Variants in CCDC88B observed in about 807,000 individuals in gnomAD.
CCDC88B encodes coiled-coil and HOOK domain protein 88B, also known as coiled-coil domain-containing protein 88B.
Under a neutral mutation model 183.7 loss-of-function variants are expected in CCDC88B, and 138 were observed. The ratio of observed to expected loss-of-function variants is 0.75; its 90% confidence interval spans 0.65 to 0.87. The LOEUF (loss-of-function observed/expected upper bound fraction) is 0.87, where lower values mean the gene tolerates loss of function less well. Among genes scored for constraint, CCDC88B ranks in the 40% least tolerant of loss-of-function variants. The probability of loss-of-function intolerance (pLI) is 0.00; values close to 1 mark genes in which losing one functional copy is unlikely to be tolerated. For missense variants in CCDC88B, 1,822 were observed against 1,965.6 expected (o/e 0.93, Z 1.38); for synonymous variants, 835 against 867.5 (o/e 0.96, Z 0.66).
At position 64,344,800 on chromosome 11, in the gene CCDC88B, C is replaced by T. The variant is rs778973427; in HGVS notation, c.2259C>T (p.Arg753=). 2 of 1,613,186 alleles carry T rather than the reference C, an allele frequency of 1.2e-6. No individual in the cohort carries two copies. The highest frequency in any genetic ancestry group is 1.1e-5 in the South Asian group (1 of 91,016). Residue 753 remains arginine, a synonymous_variant, in exon 14 of 27, where the codon CGC becomes CGT. Coordinates refer to ENST00000356786, the MANE Select transcript of CCDC88B (RefSeq NM_032251.6). This position sits in a 1 kb window ranked among gnomAD's most constrained non-coding sequence, Gnocchi z 4.5. ...GAGATGAGCTGGAAGCCCAGGCCCG[C>T]AAGCTGGAGGCCCAAAACACGGAGG... is the stretch of plus-strand genomic sequence containing the variant. The part of the protein sequence containing the change: ...ALGDELEAQA[R]KLEAQNTEAA...
chr11:64,351,298 C>T, intron 17 of CCDC88B, 43 bp downstream of exon 17: 1 of 1,495,880 alleles, frequency 6.7e-7, no homozygotes, highest in Non-Finnish European at 9.0e-7. Context: ...GTGCCCCGTG[C>T]AGTGTGAGTG....
At position 64,345,041 on chromosome 11, in the gene CCDC88B, A is replaced by C; in HGVS notation, c.2500A>C (p.Arg834=). 1.9e-6 allele frequency: 3 copies of C among 1,548,726 alleles called. No homozygotes were observed. The highest frequency in any genetic ancestry group is 2.6e-6 in the Non-Finnish European group (3 of 1,149,212). The part of the protein sequence containing the change: ...ERRQWEREGS[R]LRAQSEAAEE... ...GAGGCAGTGGGAGCGTGAGGGGTCC[A>C]GGCTGCGGGCCCAGTCGGAGGCCGC... Residue 834 remains arginine (R), a synonymous_variant, in exon 14 of 27, where the codon AGG becomes CGG. Coordinates refer to ENST00000356786, the MANE Select transcript of CCDC88B (RefSeq NM_032251.6).
At position 64,343,881 on chromosome 11, in the gene CCDC88B, G is replaced by C. The variant is rs756927003; in HGVS notation, c.1422G>C (p.Leu474=). The C allele has an allele frequency of 1.2e-6, 2 of 1,604,624 alleles. No homozygotes were observed. Among genetic ancestry groups the C allele is most frequent in the South Asian group, 2.2e-5 (2 of 89,646 alleles). The change falls in exon 13 of 27, where the codon CTG becomes CTC. Residue 474 remains leucine, a synonymous_variant. Coordinates refer to ENST00000356786, the MANE Select transcript of CCDC88B (RefSeq NM_032251.6). Reference sequence around the variant, plus strand: ...GGGAGAACCGGGAGCTTCGGGGGCTGCTTCAGGTGCTTCAGGGGCAGCCAG... The same window carrying C: ...GGGAGAACCGGGAGCTTCGGGGGCTCCTTCAGGTGCTTCAGGGGCAGCCAG... ...LERENRELRG[L]LQVLQGQPGG...
At chr11:64,342,706 C>T (rs1431955164) in intron 10 of CCDC88B, 26 bp downstream of exon 10, 2 of 1,444,736 alleles carry the variant, frequency 1.4e-6, no homozygotes, top group African/African-American at 2.9e-5. Flanking sequence ...AGCCGCGGGG[C>T]GGGGCGTGCG....
At position 64,354,122 on chromosome 11, in the gene CCDC88B, G is replaced by T. The variant is rs758178508; in HGVS notation, c.4051G>T (p.Gly1351Cys). 3.8e-5 allele frequency: 53 copies of T among 1,377,444 alleles called. No homozygotes were observed. The highest frequency in any genetic ancestry group is 4.9e-5 in the Non-Finnish European group (52 of 1,059,098). 85.3% of individuals were successfully genotyped at this position (1,377,444 alleles called of 1,614,324 possible). A position where few individuals can be genotyped will look rare whatever the true frequency, so the allele number is the denominator to read the frequency against. Reference sequence around the variant, plus strand: ...GGCTGGCAGCACCGAGAGCCTGGGGGGCCCCCCGGAGACGGAGCTTCCTGA... The same window carrying T: ...GGCTGGCAGCACCGAGAGCCTGGGGTGCCCCCCGGAGACGGAGCTTCCTGA... Reference protein sequence around the residue: ...DGAGSTESLGGPPETELPEGR... With the variant: ...DGAGSTESLGCPPETELPEGR... Residue 1351 changes from glycine (G) to cysteine (C), a missense_variant, in exon 24 of 27, where the codon GGC (glycine) becomes TGC (cysteine). Coordinates refer to ENST00000356786, the MANE Select transcript of CCDC88B (RefSeq NM_032251.6).
At chr11:64,355,490 C>T in intron 25 of CCDC88B, 70 bp from the exon 26 acceptor site, 1 of 1,594,950 alleles carries the variant, frequency 6.3e-7, no homozygotes, top group Non-Finnish European at 8.6e-7. Context: ...TTCTTGTCCC[C>T]TGTGTCTCCT....
At position 64,341,094 on chromosome 11, in the gene CCDC88B, C is replaced by T; in HGVS notation, c.319-15C>T. The T allele has an allele frequency of 6.2e-7, 1 of 1,614,078 alleles. No individual in the cohort carries two copies. The highest frequency in any genetic ancestry group is 1.3e-5 in the African/African-American group (1 of 75,004). ...TCGGGAAGGCGCCTCATATAGTCTG[C>T]CTCTCTGCCTCCAGGAGGAGCTGCA... On this transcript the variant is annotated splice_polypyrimidine_tract_variant and intron_variant, in intron 3 of 26. Coordinates refer to ENST00000356786, the MANE Select transcript of CCDC88B (RefSeq NM_032251.6).
At chr11:64,354,812 C>T (rs1311814478) in intron 24 of CCDC88B, among the ~76,000 whole-genome samples, 2 of 113,580 alleles carry the variant, frequency 1.8e-5, no homozygotes, top group African/African-American at 3.7e-5. Flanking sequence ...CCTCAGCCTC[C>T]CCCCCTCCTC....
Position 64,351,226 on chromosome 11 carries a change from A to C in CCDC88B, c.2929A>C (p.Asn977His). 1 of 1,530,446 alleles carries C rather than the reference A, an allele frequency of 6.5e-7. No homozygotes were observed. The highest frequency in any genetic ancestry group is 8.8e-7 in the Non-Finnish European group (1 of 1,139,326). The allele number at this position is 1,530,446 out of a possible 1,614,324, so 94.8% of individuals were successfully genotyped here. A position where few individuals can be genotyped will look rare whatever the true frequency, so the allele number is the denominator to read the frequency against. The change falls in exon 17 of 27, where the codon AAT becomes CAT. Residue 977 changes from asparagine (N) to histidine (H), a missense_variant. Transcript: ENST00000356786. ...RAEPQLVETQ[N>H]VRLIEVERSN... ...GGAGCCTCAGCTGGTGGAGACCCAG[A>C]ATGTGCGGCTTATTGAGGTGGAGCG... is the stretch of plus-strand genomic sequence containing the variant.
chr11:64,344,535 G>A lies in CCDC88B; in HGVS notation c.1994G>A (p.Gly665Asp), dbSNP rs1302825351. ...PSSVQLEEQE[G>D]PNQGLDLATG... ...TCTGTGCAGCTGGAGGAGCAGGAGG[G>A]CCCAAACCAGGGCCTGGACCTGGCC... The change falls in exon 14 of 27, where the codon GGC becomes GAC. Residue 665 changes from glycine to aspartate, a missense_variant. Coordinates refer to ENST00000356786, the MANE Select transcript of CCDC88B (RefSeq NM_032251.6). The surrounding 1 kb of genome is among the most constrained non-coding windows in gnomAD (Gnocchi z 4.5). 6.2e-7 allele frequency: 1 copy of A among 1,604,798 alleles called. No individual in the cohort carries two copies.
In CCDC88B at chr11:64,353,662, T is replaced by C. The variant is rs968544173; in HGVS notation, c.3834-53T>C. The C allele has an allele frequency of 2.0e-5, 32 of 1,603,632 alleles. No homozygotes were observed. In the African/African-American group the frequency reaches 4.1e-4, roughly 21 times the overall value. On this transcript the variant is annotated intron_variant, in intron 22 of 26. Coordinates refer to ENST00000356786, the MANE Select transcript of CCDC88B (RefSeq NM_032251.6). Reference sequence around the variant, plus strand: ...CTCGCTGCAGCTTGTGCCTTGCTACTGCCTCGGCCTCCCTGGGCCTCACAC... The same window carrying C: ...CTCGCTGCAGCTTGTGCCTTGCTACCGCCTCGGCCTCCCTGGGCCTCACAC...
rs1421452707 is a variant in CCDC88B at position 64,355,783 on chromosome 11, G to A, written c.4375+155G>A. The A allele has an allele frequency of 6.6e-5, 41 of 619,962 alleles. 1 individual carries two copies. In the South Asian group the frequency reaches 8.9e-4, roughly 14 times the overall value. The allele number at this position is 619,962 out of a possible 1,614,324, so 38.4% of individuals were successfully genotyped here. A position where few individuals can be genotyped will look rare whatever the true frequency, so the allele number is the denominator to read the frequency against. ...CACAGCAGGGAACGTTCTGGTGTGA[G>A]GAGGCAGATAGTAAACAATTTGCCT... On this transcript the variant is annotated intron_variant, in intron 26 of 26. Transcript: ENST00000356786.
chr11:64,352,883 G>A lies in CCDC88B; in HGVS notation c.3496G>A (p.Asp1166Asn), dbSNP rs760178847. The A allele has an allele frequency of 6.3e-7, 1 of 1,584,202 alleles. No individual in the cohort carries two copies. Among genetic ancestry groups the A allele is most frequent in the Non-Finnish European group, 8.6e-7 (1 of 1,166,756 alleles). Reference sequence around the variant, plus strand: ...GCTGCGGAGGCTTCAGAGCGAGCACGACAGGTGCCGCCCCTGCCACAGCCT... The same window carrying A: ...GCTGCGGAGGCTTCAGAGCGAGCACAACAGGTGCCGCCCCTGCCACAGCCT... ...EELRRLQSEH[D>N]RAQMLLAELS... The change falls in exon 20 of 27, where the codon GAC (aspartate) becomes AAC (asparagine). Residue 1166 changes from aspartate (D) to asparagine (N), a missense_variant. Transcript: ENST00000356786.
At chr11:64,354,589 ACCT>A (rs2036467817) in intron 24 of CCDC88B, among the ~76,000 whole-genome samples, 2 of 98,986 alleles carry the variant, frequency 2.0e-5, no homozygotes, top group Admixed American at 2.2e-4. Flanking sequence ...CTTCTCCCCC[ACCT>A]CTGCACCTCC....
chr11:64,341,936 G>A, intron 7 of CCDC88B, 58 bp from the exon 8 acceptor site: 2 of 1,554,484 alleles, frequency 1.3e-6, no homozygotes, highest in Non-Finnish European at 8.8e-7. Context: ...TGTGGTTGGG[G>A]GTCGATGTGC....
chr11:64,354,067 C>T lies in CCDC88B; in HGVS notation c.3996C>T (p.Pro1332=), dbSNP rs2036447914. The T allele has an allele frequency of 6.9e-7, 1 of 1,445,126 alleles. No individual in the cohort carries two copies. Among genetic ancestry groups the T allele is most frequent in the South Asian group, 1.6e-5 (1 of 60,824 alleles). The allele number at this position is 1,445,126 out of a possible 1,614,324, so 89.5% of individuals were successfully genotyped here. The change falls in exon 24 of 27, where the codon CCC becomes CCT. Residue 1332 remains proline, a synonymous_variant. Coordinates refer to ENST00000356786, the MANE Select transcript of CCDC88B (RefSeq NM_032251.6). ...RLMRPRREGG[P]PGGLRLGADG... The stretch of plus-strand genomic sequence containing the variant: ...TGCGGCCCCGGCGGGAGGGGGGCCC[C>T]CCTGGGGGGCTGCGCCTGGGGGCCG...
intron 26 of CCDC88B, 193 bp downstream of exon 26, chr11:64,355,821 T>G: frequency 1.9e-6 from 1 of 529,092 alleles, no homozygotes; most frequent in Non-Finnish European, 3.3e-6. Context: ...AAATAATTAT[T>G]ATCTACAACA....
chr11:64,343,825 G>A lies in CCDC88B; in HGVS notation c.1366G>A (p.Ala456Thr). Residue 456 changes from alanine to threonine, a missense_variant, in exon 13 of 27, where the codon GCA (alanine) becomes ACA (threonine). Ala to Thr is a moderately conservative substitution (Grantham distance 58). Transcript: ENST00000356786. ...CTCGCTGCAAGATGAGGTGAGGGAG[G>A]CAGAGGCTGGGCGGCTTCGGACCCT... ...APSLQDEVREAEAGRLRTLER... is the reference protein window; with the variant it reads ...APSLQDEVRETEAGRLRTLER... 6.3e-7 allele frequency: 1 copy of A among 1,595,492 alleles called. No homozygotes were observed. The highest frequency in any genetic ancestry group is 8.5e-7 in the Non-Finnish European group (1 of 1,171,464).
At chr11:64,350,073 A>G in intron 16 of CCDC88B, 1 of 271,830 alleles carries the variant, frequency 3.7e-6, no homozygotes, top group South Asian at 5.0e-5. Flanking sequence ...CAGGGAGCTC[A>G]CAGGACAGTC....
Sources: allele counts gnomAD v4.1 joint callset (sites outside exome capture counted in the v4.1 genomes callset), GRCh38; gene constraint gnomAD v4.1.1; non-coding constraint Gnocchi (gnomAD v3.1); transcripts MANE v1.5; gene names NCBI Gene and HGNC (gene_info 2026-07-23, HGNC 2026-07-21).